The following PCDHA7 variants were observed in gnomAD, a reference collection of about 807,000 sequenced individuals.
PCDHA7 encodes protocadherin alpha 7.
PCDHA7 carries 37 observed loss-of-function variants against 57.2 expected under a neutral mutation model. That is an observed-to-expected ratio of 0.65 (90% CI 0.50 to 0.85). PCDHA7 has a LOEUF of 0.85. Among genes scored for constraint, PCDHA7 ranks in the 40% least tolerant of loss-of-function variants. The pLI, the probability that PCDHA7 is intolerant of heterozygous loss-of-function variation, is 0.00. For synonymous variants in PCDHA7, 553 were observed against 558.8 expected, an observed-to-expected ratio of 0.99 and a Z score of 0.15; for missense variants, 1,188 against 1,241.8, an observed-to-expected ratio of 0.96 and a Z score of 0.65.
intron 1 of PCDHA7, chr5:140,852,531 C>G (rs1197831362): frequency 2.2e-6 from 1 of 450,452 alleles, no homozygotes; most frequent in African/African-American, 2.1e-5. Context: ...CCACCTCGGC[C>G]TCCCAAAGTG....
rs201435940 is a variant in PCDHA7, at chr5:140,871,358, A to G, written c.2355+34620A>G. On this transcript the variant is annotated intron_variant, in intron 1 of 3. Transcript: ENST00000525929. The stretch of plus-strand genomic sequence containing the variant: ...GTGGGGAGCTGGTCATACTCGCAGC[A>G]GAGGCGGCAGAGGGTGTGCTCTGAG... 13 of 1,614,208 alleles carry G rather than the reference A, an allele frequency of 8.1e-6. No homozygotes were observed. In the East Asian group the frequency reaches 2.9e-4, roughly 36 times the overall value.
chr5:140,850,664 C>T, intron 1 of PCDHA7: 1 of 1,598,396 alleles, frequency 6.3e-7, no homozygotes, highest in Non-Finnish European at 8.6e-7. Context: ...TGCTGCGGTG[C>T]TCGGCGATGC....
At chr5:140,939,428 G>A (rs1417323934) in intron 1 of PCDHA7, among the ~76,000 whole-genome samples, 2 of 152,128 alleles carry the variant, frequency 1.3e-5, no homozygotes, top group Admixed American at 6.5e-5. Flanking sequence ...TCTTCCATAA[G>A]CATTTGAAGA....
intron 1 of PCDHA7, chr5:140,850,778 C>G (rs371734141): frequency 6.3e-7 from 1 of 1,597,940 alleles, no homozygotes; most frequent in Non-Finnish European, 8.6e-7. Context: ...TGTGCTCTGG[C>G]GAGGGTAAGC....
At chr5:140,867,200 A>G (rs1239575601) in intron 1 of PCDHA7, 1 of 152,126 alleles carries the variant, frequency 6.6e-6, no homozygotes, top group African/African-American at 2.4e-5. Context: ...TCCACATTCC[A>G]TGTAACATCT....
chr5:140,935,952 G>C (rs1554210758), intron 1 of PCDHA7, among the ~76,000 whole-genome samples: 3 of 148,522 alleles, frequency 2.0e-5, no homozygotes, highest in Non-Finnish European at 4.4e-5. Flanking sequence ...GAGTAAAGTG[G>C]TACAATCTTG....
chr5:141,002,049 A>G (rs1288460436), intron 3 of PCDHA7, among the ~76,000 whole-genome samples: 1 of 152,228 alleles, frequency 6.6e-6, no homozygotes, highest in Non-Finnish European at 1.5e-5. Flanking sequence ...CTGGGCATCC[A>G]GAGGCAGCAG....
At chr5:140,937,507 C>G (rs1427417860) in intron 1 of PCDHA7, among the ~76,000 whole-genome samples, 1 of 152,106 alleles carries the variant, frequency 6.6e-6, no homozygotes, top group Non-Finnish European at 1.5e-5. Context: ...ATCCCAGCTA[C>G]TCAGGAGGCT....
chr5:140,942,206 T>G (rs916002360), intron 1 of PCDHA7, among the ~76,000 whole-genome samples: 1 of 152,152 alleles, frequency 6.6e-6, no homozygotes, highest in African/African-American at 2.4e-5. Context: ...TTTTTGAGCA[T>G]AAGATATTTA....
intron 3 of PCDHA7, among the ~76,000 whole-genome samples, chr5:141,001,903 A>G (rs2098043091): frequency 6.6e-6 from 1 of 152,190 alleles, no homozygotes; most frequent in African/African-American, 2.4e-5. Flanking sequence ...GGGCTGTTTG[A>G]AAAAGACTGC....
intron 1 of PCDHA7, among the ~76,000 whole-genome samples, chr5:140,838,420 G>A (rs1431483628): frequency 6.6e-6 from 1 of 151,224 alleles, no homozygotes; most frequent in Non-Finnish European, 1.5e-5. Flanking sequence ...CACCGCATCC[G>A]GCCTAAATTA....
chr5:140,848,035 A>G (rs1554141975), intron 1 of PCDHA7: 1 of 158,990 alleles, frequency 6.3e-6, no homozygotes, highest in African/African-American at 2.4e-5. Flanking sequence ...TGATTGCTCA[A>G]TGGAATCATT....
At chr5:140,981,289 C>G (rs1554242771) in intron 2 of PCDHA7, among the ~76,000 whole-genome samples, 1 of 152,138 alleles carries the variant, frequency 6.6e-6, no homozygotes, top group Non-Finnish European at 1.5e-5. Flanking sequence ...AAAGGGTCCT[C>G]TAGTCTAGGT....
intron 1 of PCDHA7, chr5:140,842,835 C>A: frequency 1.3e-6 from 2 of 1,593,850 alleles, no homozygotes; most frequent in South Asian, 2.2e-5. Context: ...CGCTCGCTGT[C>A]GAGCTACATT....
intron 1 of PCDHA7, among the ~76,000 whole-genome samples, chr5:140,917,553 T>C (rs1220066857): frequency 6.6e-6 from 1 of 152,258 alleles, no homozygotes; most frequent in African/African-American, 2.4e-5. Context: ...TACATTTAAC[T>C]CTTTAATCCA....
At chr5:140,929,174 G>A (rs782544510) in intron 1 of PCDHA7, 2 of 1,614,140 alleles carry the variant, frequency 1.2e-6, no homozygotes, top group East Asian at 4.5e-5. Context: ...GCCTCTCTGG[G>A]ACTTGGTTCT....
In PCDHA7 at chr5:140,835,869, G is replaced by T. The variant is rs781933371; in HGVS notation, c.1486G>T (p.Glu496Ter). ...CGCGCTGGTGTCCTACTCGCTGGTG[G>T]AGCTGCGGGTGGGCGAGCGCGCGCT... Reference protein sequence around the residue: ...KNALVSYSLVELRVGERALSS... With the variant: ...KNALVSYSLV The change falls in exon 1 of 4, where the codon GAG becomes TAG. Residue 496 changes from glutamate (E) to a stop codon, truncating the protein, a stop_gained. Coordinates refer to ENST00000525929, the MANE Select transcript of PCDHA7 (RefSeq NM_018910.3). LOFTEE classifies it high-confidence loss of function. 6.2e-7 allele frequency: 1 copy of T among 1,612,094 alleles called. No individual in the cohort carries two copies. Among genetic ancestry groups the T allele is most frequent in the Non-Finnish European group, 8.5e-7 (1 of 1,179,642 alleles).
At position 140,856,841 on chromosome 5, in the gene PCDHA7, G is replaced by A. The variant is rs781868199; in HGVS notation, c.2355+20103G>A. On this transcript the variant is annotated intron_variant, in intron 1 of 3. Transcript: ENST00000525929. Reference sequence around the variant, plus strand: ...CCAAACATTAGTAATACGGCTCAACGCTTCTGATTCGGATGAAGGAATAAA... The same window carrying A: ...CCAAACATTAGTAATACGGCTCAACACTTCTGATTCGGATGAAGGAATAAA... 1.3e-5 allele frequency: 20 copies of A among 1,592,418 alleles called. 3 individuals are homozygous for A. The highest frequency in any genetic ancestry group is 3.4e-5 in the Admixed American group (2 of 59,178).
intron 1 of PCDHA7, chr5:140,969,304 C>A (rs782271875): frequency 9.3e-6 from 15 of 1,614,042 alleles, no homozygotes; most frequent in African/African-American, 1.3e-5. Flanking sequence ...TGATTATTCT[C>A]AAAAATGAGG....
Sources: allele counts gnomAD v4.1 joint callset (sites outside exome capture counted in the v4.1 genomes callset), GRCh38; gene constraint gnomAD v4.1.1; transcripts MANE v1.5; gene names NCBI Gene and HGNC (gene_info 2026-07-23, HGNC 2026-07-21).